The following LRRC43 variants were observed in gnomAD, a reference collection of about 807,000 sequenced individuals.
LRRC43 encodes leucine rich repeat containing 43, also known as leucine-rich repeat-containing protein 43.
A neutral mutation model predicts 64.3 loss-of-function variants in LRRC43; 62 were observed. That is an observed-to-expected ratio of 0.96 (90% confidence interval 0.79 to 1.19). The LOEUF is 1.19. Ranked by LOEUF, LRRC43 falls within the 50% of genes most tolerant of loss-of-function variation. LRRC43 has a pLI of 0.00. For synonymous variants in LRRC43, 422 were observed against 382.3 expected, an observed-to-expected ratio of 1.10 and a Z score of -1.21; for missense variants, 868 against 845.0, an observed-to-expected ratio of 1.03 and a Z score of -0.34.
Position 122,183,173 on chromosome 12 carries a change from A to C in LRRC43, c.29A>C (p.Glu10Ala), listed in dbSNP as rs754460503. Reference sequence around the variant, plus strand: ...GAGGCGTCGTACGAGTCCGAGTCCGAGTCCGAGTCTGAGGCCGGGCCTGGG... The same window carrying C: ...GAGGCGTCGTACGAGTCCGAGTCCGCGTCCGAGTCTGAGGCCGGGCCTGGG... MEASYESES[E>A]SESEAGPGTQ... Residue 10 changes from glutamate (E) to alanine (A), a missense_variant, in exon 1 of 12, where the codon GAG becomes GCG. Physicochemically the swap from Glu to Ala is moderately radical, Grantham distance 107 (BLOSUM62 -1). Transcript: ENST00000339777. 2 of 1,555,418 alleles carry C rather than the reference A, an allele frequency of 1.3e-6. No homozygotes were observed. The highest frequency in any genetic ancestry group is 2.3e-5 in the South Asian group (2 of 85,678).
In LRRC43 at chr12:122,187,859, T is replaced by C. The variant is rs1236185085; in HGVS notation, c.662+19T>C. On this transcript the variant is annotated intron_variant, in intron 4 of 11. Coordinates refer to ENST00000339777, the MANE Select transcript of LRRC43 (RefSeq NM_001098519.2). ...ATCACTGGTAACTCGGGAGCCCAGATGGAAAGTGAGAGGGAGGGATTAAGT... is the reference window on the plus strand; with the variant it reads ...ATCACTGGTAACTCGGGAGCCCAGACGGAAAGTGAGAGGGAGGGATTAAGT... 1.2e-6 allele frequency: 2 copies of C among 1,613,336 alleles called. No individual in the cohort carries two copies. The highest frequency in any genetic ancestry group is 1.7e-6 in the Non-Finnish European group (2 of 1,179,516).
chr12:122,193,381 TAAAAAAA>T (rs34910328), intron 7 of LRRC43, among the ~76,000 whole-genome samples: 848 of 47,180 alleles, frequency 0.018, 11 homozygotes, highest in African/African-American at 0.069. Flanking sequence ...CTCCGTCTCA[TAAAAAAA>T]AAAAAAAAAA....
chr12:122,192,638 C>T lies in LRRC43; in HGVS notation c.1090-107C>T, dbSNP rs575630938. The stretch of plus-strand genomic sequence containing the variant: ...TCCTAGCGTGGTGTGTCTGCTCATG[C>T]GTGAACCTCATCCAGATGTCGGGAG... On this transcript the variant is annotated intron_variant, in intron 6 of 11. Transcript: ENST00000339777. The T allele has an allele frequency of 1.7e-5, 22 of 1,327,930 alleles. No homozygotes were observed. The South Asian group carries it at 2.2e-4, about 13-fold the overall frequency. 82.3% of individuals were successfully genotyped at this position (1,327,930 alleles called of 1,614,324 possible).
At chr12:122,189,879 C>T (rs748145905) in intron 4 of LRRC43, among the ~76,000 whole-genome samples, 32 of 152,216 alleles carry the variant, frequency 2.1e-4, no homozygotes, top group Admixed American at 4.6e-4. Flanking sequence ...AGAGGAGCCC[C>T]GTGAAGGGAG....
At chr12:122,181,347 TC>T (rs1228098158), upstream of LRRC43, among the ~76,000 whole-genome samples, 1 of 151,372 alleles carries the variant, frequency 6.6e-6, no homozygotes, top group Non-Finnish European at 1.5e-5. Flanking sequence ...ATCGAGACCA[TC>T]CTGACTAACA....
chr12:122,189,341 A>G, intron 4 of LRRC43: 1 of 446,064 alleles, frequency 2.2e-6, no homozygotes, highest in Non-Finnish European at 4.5e-6. Context: ...GAGCGGGCGG[A>G]CGCAGCAGGG....
At chr12:122,192,496 T>TA (rs2136048392) in intron 6 of LRRC43, among the ~76,000 whole-genome samples, 1 of 152,298 alleles carries the variant, frequency 6.6e-6, no homozygotes, top group African/African-American at 2.4e-5. Flanking sequence ...AACCCAAGGA[T>TA]ACCATCCAAC....
intron 5 of LRRC43, among the ~76,000 whole-genome samples, chr12:122,190,823 A>G (rs1953709389): frequency 1.3e-5 from 2 of 151,092 alleles, no homozygotes. Flanking sequence ...AGATGACACC[A>G]GTGTACTCTA....
Position 122,184,089 on chromosome 12 carries a change from G to C in LRRC43, c.151-430G>C, listed in dbSNP as rs1326143182. Among the ~76,000 whole-genome samples, 1 of 136,736 alleles carries C rather than the reference G, an allele frequency of 7.3e-6. No homozygotes were observed. The highest frequency in any genetic ancestry group is 1.5e-5 in the Non-Finnish European group (1 of 65,062). The allele number at this position is 136,736 out of a possible 152,430, so 89.7% of individuals were successfully genotyped here. A position where few individuals can be genotyped will look rare whatever the true frequency, so the allele number is the denominator to read the frequency against. On this transcript the variant is annotated intron_variant, in intron 1 of 11. Transcript: ENST00000339777. The surrounding 1 kb of genome is among the most constrained non-coding windows in gnomAD (Gnocchi z 4.0). ...CCATCAAAATTATTGATTATTCACT[G>C]TCTAGATTTTTTTTTTTTTTTTTGA...
At chr12:122,196,847 A>T (rs1433022505) in intron 7 of LRRC43, among the ~76,000 whole-genome samples, 1 of 152,192 alleles carries the variant, frequency 6.6e-6, no homozygotes, top group African/African-American at 2.4e-5. Flanking sequence ...TAATGTCACA[A>T]GTGGTACGTC....
chr12:122,175,691 A>G (rs1191429605), intron 1 of LRRC43, among the ~76,000 whole-genome samples: 3 of 150,474 alleles, frequency 2.0e-5, no homozygotes, highest in African/African-American at 7.3e-5. Context: ...TTTGAGACAG[A>G]GTTTCGCTCT....
chr12:122,184,802 G>A lies in LRRC43; in HGVS notation c.411+23G>A, dbSNP rs771445471. On this transcript the variant is annotated intron_variant, in intron 2 of 11. Coordinates refer to ENST00000339777, the MANE Select transcript of LRRC43 (RefSeq NM_001098519.2). This position sits in a 1 kb window ranked among gnomAD's most constrained non-coding sequence, Gnocchi z 4.0. ...AAGGTCAGTGCTGGGCACGTGGTAGGTGATGTTAGGGTGGCCGCTCCCCTA... is the reference window on the plus strand; with the variant it reads ...AAGGTCAGTGCTGGGCACGTGGTAGATGATGTTAGGGTGGCCGCTCCCCTA... 9.5e-6 allele frequency: 15 copies of A among 1,577,712 alleles called. No individual in the cohort carries two copies. In the East Asian group the frequency reaches 3.0e-4, roughly 32 times the overall value.
Position 122,184,544 on chromosome 12 carries a change from C to T in LRRC43, c.176C>T (p.Thr59Ile), listed in dbSNP as rs1953618118. 6.2e-6 allele frequency: 10 copies of T among 1,613,712 alleles called. No individual in the cohort carries two copies. Among genetic ancestry groups the T allele is most frequent in the East Asian group, 2.2e-5 (1 of 44,878 alleles). ...SWNKSRFLPQ[T>I]WRTWRELVPR... ...AATAAGTCGCGCTTTCTTCCTCAAA[C>T]TTGGCGAACTTGGAGGGAGCTTGTC... Residue 59 changes from threonine (T) to isoleucine (I), a missense_variant, in exon 2 of 12, where the codon ACT (threonine) becomes ATT (isoleucine). By Grantham distance (89) the Thr-to-Ile change is moderately conservative. Coordinates refer to ENST00000339777, the MANE Select transcript of LRRC43 (RefSeq NM_001098519.2). The surrounding 1 kb of genome is among the most constrained non-coding windows in gnomAD (Gnocchi z 4.0).
chr12:122,186,404 C>A, intron 3 of LRRC43, 104 bp downstream of exon 3: 1 of 702,770 alleles, frequency 1.4e-6, no homozygotes. Flanking sequence ...GAGGGTAAGG[C>A]CCAGCTCCAG....
intron 1 of LRRC43, among the ~76,000 whole-genome samples, chr12:122,168,619 T>G (rs1420601287): frequency 6.6e-6 from 1 of 152,098 alleles, no homozygotes; most frequent in Non-Finnish European, 1.5e-5. Flanking sequence ...TATAGAAAAT[T>G]TATAGACAGT....
chr12:122,189,422 GGCTGGGATTGGGAGAT>G, intron 4 of LRRC43: 1 of 456,664 alleles, frequency 2.2e-6, no homozygotes, highest in South Asian at 1.5e-5. Flanking sequence ...GGAAGAGTGA[GGCTGGGATTGGGAGAT>G]GCTGTGCTGA....
intron 1 of LRRC43, among the ~76,000 whole-genome samples, chr12:122,171,816 G>A (rs1337489188): frequency 6.6e-6 from 1 of 152,104 alleles, no homozygotes; most frequent in East Asian, 1.9e-4. Context: ...TGATCCTCCT[G>A]CCTTTATCTC....
rs1045886433 is a variant in LRRC43, at chr12:122,193,242, G to A, written c.1349+238G>A. Among the ~76,000 whole-genome samples, 142 of 151,942 alleles carry A rather than the reference G, an allele frequency of 9.3e-4. 3 individuals carry two copies. Among genetic ancestry groups the A allele is most frequent in the Non-Finnish European group, 8.8e-5 (6 of 67,958 alleles). Reference sequence around the variant, plus strand: ...AAAAATACGAAAAAATTAGCCAGGCGTGGTGGCAGGCGCCTGTAGTCCCAG... The same window carrying A: ...AAAAATACGAAAAAATTAGCCAGGCATGGTGGCAGGCGCCTGTAGTCCCAG... On this transcript the variant is annotated intron_variant, in intron 7 of 11. Coordinates refer to ENST00000339777, the MANE Select transcript of LRRC43 (RefSeq NM_001098519.2).
intron 7 of LRRC43, 150 bp downstream of exon 7, chr12:122,193,154 G>A: frequency 2.7e-6 from 2 of 743,742 alleles, no homozygotes. Context: ...GCAGAGGCGG[G>A]CGGATCACGA....
Sources: allele counts gnomAD v4.1 joint callset (sites outside exome capture counted in the v4.1 genomes callset), GRCh38; gene constraint gnomAD v4.1.1; non-coding constraint Gnocchi (gnomAD v3.1); transcripts MANE v1.5; gene names NCBI Gene and HGNC (gene_info 2026-07-23, HGNC 2026-07-21).